GRID2: variants seen among roughly 807,000 people sequenced by gnomAD.
The protein encoded by GRID2 is glutamate ionotropic receptor delta type subunit 2.
Under a neutral mutation model 114.8 loss-of-function variants are expected in GRID2, and 33 were observed. That is an observed-to-expected ratio of 0.29 (90% CI 0.22 to 0.38). The LOEUF (loss-of-function observed/expected upper bound fraction) is 0.38. GRID2 is among the 10% of genes least tolerant of loss of function. GRID2 has a pLI of 1.00. For missense variants in GRID2, 1,184 were observed against 1,257.7 expected (o/e 0.94, Z 0.89); for synonymous variants, 505 against 449.9 (o/e 1.12, Z -1.55).
At chr4:93,805,531 AAC>A (rs1304812301) in intron 1 of GRID2, among the ~76,000 whole-genome samples, 1 of 152,224 alleles carries the variant, frequency 6.6e-6, no homozygotes, top group Non-Finnish European at 1.5e-5. Context: ...TCAATCCACT[AAC>A]ACAATTAGAA....
At chr4:93,590,598 A>G (rs1301486985) in intron 13 of GRID2, among the ~76,000 whole-genome samples, 8 of 152,142 alleles carry the variant, frequency 5.3e-5, no homozygotes, top group Admixed American at 5.2e-4. Flanking sequence ...GAAGAAAGGC[A>G]TTGGTAGCTT....
At chr4:92,601,045 A>T (rs1183672607) in intron 2 of GRID2, among the ~76,000 whole-genome samples, 1 of 151,672 alleles carries the variant, frequency 6.6e-6, no homozygotes, top group Non-Finnish European at 1.5e-5. Context: ...TTAACCCCAG[A>T]GAGACCAGAG....
At chr4:92,945,508 C>T (rs982129456) in intron 2 of GRID2, among the ~76,000 whole-genome samples, 16 of 152,194 alleles carry the variant, frequency 1.1e-4, no homozygotes, top group African/African-American at 3.6e-4. Flanking sequence ...ACAATTAATA[C>T]TGTAAGTCTT....
chr4:92,808,791 T>G (rs974941733), intron 2 of GRID2, among the ~76,000 whole-genome samples: 3 of 151,790 alleles, frequency 2.0e-5, no homozygotes, highest in Admixed American at 2.0e-4. Flanking sequence ...ATCGTGAATT[T>G]TTTTTTTTTT....
At chr4:92,623,031 A>G (rs1560495243) in intron 2 of GRID2, among the ~76,000 whole-genome samples, 2 of 151,762 alleles carry the variant, frequency 1.3e-5, no homozygotes, top group South Asian at 4.1e-4. Context: ...TCTTTTGAAG[A>G]TGAAAAACTT....
At position 93,769,295 on chromosome 4, in the gene GRID2, T is replaced by C; in HGVS notation, c.2446T>C (p.Ser816Pro). The change falls in exon 15 of 16, where the codon TCA becomes CCA. Residue 816 changes from serine to proline, a missense_variant. By Grantham distance (74) the Ser-to-Pro change is moderately conservative (BLOSUM62 -1). Around this residue, in one of 3 missense-constraint regions of GRID2, gnomAD observed 717 missense variants for 796.9 expected, o/e 0.90. Transcript: ENST00000282020. ...PKNGQCDLYS[S>P]VDTKQKGGAL... ...GAATGGCCAGTGTGACCTGTACTCG[T>C]CAGTGGACACAAAGCAGAAAGGAGG... 4 of 1,614,106 alleles carry C rather than the reference T, an allele frequency of 2.5e-6. No individual in the cohort carries two copies. The highest frequency in any genetic ancestry group is 3.4e-6 in the Non-Finnish European group (4 of 1,179,964).
At chr4:93,630,124 G>A (rs1319171946) in intron 14 of GRID2, among the ~76,000 whole-genome samples, 1 of 152,176 alleles carries the variant, frequency 6.6e-6, no homozygotes, top group East Asian at 1.9e-4. Context: ...GGCTAGAAGA[G>A]TTTTGCTTCC....
intron 2 of GRID2, among the ~76,000 whole-genome samples, chr4:93,045,283 G>A (rs143429205): frequency 6.3e-4 from 96 of 152,050 alleles, no homozygotes; most frequent in African/African-American, 2.3e-3. Context: ...TTTATCTTTT[G>A]TCTTCATCTC....
intron 4 of GRID2, among the ~76,000 whole-genome samples, chr4:93,132,760 G>A (rs1056217857): frequency 2.0e-5 from 3 of 152,170 alleles, no homozygotes; most frequent in African/African-American, 7.2e-5. Context: ...AGGGTTGGGG[G>A]TATGGAAATT....
At chr4:93,155,912 A>G (rs898648384) in intron 4 of GRID2, among the ~76,000 whole-genome samples, 8 of 151,806 alleles carry the variant, frequency 5.3e-5, no homozygotes, top group Admixed American at 4.6e-4. Context: ...ATGATAGCAC[A>G]ACAGGGTGAA....
chr4:92,829,591 A>G (rs1560620883), intron 2 of GRID2, among the ~76,000 whole-genome samples: 1 of 152,118 alleles, frequency 6.6e-6, no homozygotes, highest in East Asian at 1.9e-4. Flanking sequence ...TTGGGTATAT[A>G]CCCAAAGGAT....
chr4:92,751,148 G>A (rs960263330), intron 2 of GRID2, among the ~76,000 whole-genome samples: 1 of 152,058 alleles, frequency 6.6e-6, no homozygotes, highest in Non-Finnish European at 1.5e-5. Flanking sequence ...AAATGCAGTA[G>A]AAAATGTATT....
At chr4:93,294,463 T>A (rs7683732) in intron 8 of GRID2, among the ~76,000 whole-genome samples, 84,703 of 151,526 alleles carry the variant, frequency 0.56, 24,765 homozygotes, top group Middle Eastern at 0.74. Context: ...AGAGAGAGAG[T>A]GTGTGTGTGT....
At chr4:93,776,415 A>G (rs192787365), downstream of GRID2, among the ~76,000 whole-genome samples, 414 of 152,320 alleles carry the variant, frequency 2.7e-3, 2 homozygotes, top group African/African-American at 9.5e-3. Flanking sequence ...AATTTATAGA[A>G]GATTTGATAG....
intron 2 of GRID2, among the ~76,000 whole-genome samples, chr4:92,650,731 T>G (rs1291717213): frequency 6.6e-6 from 1 of 151,740 alleles, no homozygotes; most frequent in Non-Finnish European, 1.5e-5. Flanking sequence ...GGAGCACAAA[T>G]GTAGATAGTG....
intron 1 of GRID2, among the ~76,000 whole-genome samples, chr4:92,355,734 G>A (rs1046530433): frequency 2.6e-5 from 4 of 151,686 alleles, no homozygotes; most frequent in African/African-American, 7.3e-5. Context: ...TTTAAGATAC[G>A]TAAAATAGAG....
intron 8 of GRID2, among the ~76,000 whole-genome samples, chr4:93,304,543 CT>C (rs1458195175): frequency 6.6e-6 from 1 of 151,944 alleles, no homozygotes; most frequent in African/African-American, 2.4e-5. Context: ...AACAATGTTG[CT>C]TTTGCAAAGA....
rs1372428514 is a variant in GRID2, at chr4:92,537,781, TGCG to T, written c.89-52348_89-52346del. On this transcript the variant is annotated intron_variant, in intron 1 of 15. Transcript: ENST00000282020. Reference sequence around the variant, plus strand: ...GCAAGTGATCTGCTTTCCAAAAACTTGCGGTGTGTGTGTGTGTGTGTGTGTGTG... The same window carrying T: ...GCAAGTGATCTGCTTTCCAAAAACTTGTGTGTGTGTGTGTGTGTGTGTGTG... Among the ~76,000 whole-genome samples the T allele has an allele frequency of 1.5e-3, 173 of 116,036 alleles. 1 individual carries two copies. In the Middle Eastern group the frequency reaches 0.023, roughly 16 times the overall value. 76.1% of individuals were successfully genotyped at this position (116,036 alleles called of 152,430 possible).
chr4:93,745,960 G>A (rs1172895800), intron 14 of GRID2, among the ~76,000 whole-genome samples: 1 of 152,112 alleles, frequency 6.6e-6, no homozygotes, highest in Non-Finnish European at 1.5e-5. Flanking sequence ...GGTAGCAGGG[G>A]CTTGATTGTC....
Sources: allele counts gnomAD v4.1 joint callset (sites outside exome capture counted in the v4.1 genomes callset), GRCh38; gene constraint gnomAD v4.1.1; regional missense constraint gnomAD v4.1.1; transcripts MANE v1.5; gene names NCBI Gene and HGNC (gene_info 2026-07-23, HGNC 2026-07-21).